The following FHIT variants were observed in gnomAD, a reference collection of about 807,000 sequenced individuals.
The protein encoded by FHIT is bis(5'-adenosyl)-triphosphatase.
In FHIT, 19 loss-of-function variants were observed where a neutral mutation model predicts 17.9. The ratio of observed to expected loss-of-function variants is 1.06; its 90% CI spans 0.74 to 1.56. The LOEUF is 1.56. Among genes scored for constraint, FHIT ranks in the 40% most tolerant of loss-of-function variants. The pLI is 0.00. For synonymous variants in FHIT, 81 were observed against 69.7 expected, an observed-to-expected ratio of 1.16 and a Z score of -0.81; for missense variants, 248 against 189.2, an observed-to-expected ratio of 1.31 and a Z score of -1.82.
intron 4 of FHIT, among the ~76,000 whole-genome samples, chr3:60,774,324 G>C (rs1700145589): frequency 6.6e-6 from 1 of 152,052 alleles, no homozygotes; most frequent in Admixed American, 6.5e-5. Context: ...TTTTGAGATG[G>C]AGTTCCATTC....
chr3:59,878,572 C>A (rs534747240), intron 8 of FHIT, among the ~76,000 whole-genome samples: 1 of 152,248 alleles, frequency 6.6e-6, no homozygotes, highest in Non-Finnish European at 1.5e-5. Flanking sequence ...ATACACTCAC[C>A]CTGTAAGCAC....
intron 5 of FHIT, among the ~76,000 whole-genome samples, chr3:60,516,464 T>C (rs1038190841): frequency 9.2e-5 from 14 of 152,166 alleles, no homozygotes; most frequent in Non-Finnish European, 5.9e-5. Flanking sequence ...TCACAAATTC[T>C]GCAAAGGTCT....
intron 5 of FHIT, among the ~76,000 whole-genome samples, chr3:60,083,397 T>A (rs1458617534): frequency 6.6e-6 from 1 of 152,130 alleles, no homozygotes; most frequent in Non-Finnish European, 1.5e-5. Flanking sequence ...ATGATACCTC[T>A]GGCTGTCTTC....
In FHIT at chr3:60,759,351, A is replaced by G. The variant is rs78764056; in HGVS notation, c.-18+62568T>C. 3.5e-3 allele frequency among the ~76,000 whole-genome samples: 529 copies of G among 152,330 alleles called. 3 individuals are homozygous for G. Among genetic ancestry groups the G allele is most frequent in the African/African-American group, 0.012 (496 of 41,576 alleles). On this transcript the variant is annotated intron_variant, in intron 4 of 9. Transcript: ENST00000492590. ...CAGGGTTGTAGCATTTATATTTGAT[A>G]TGCCATTTAAATATCCAAGGGAACA...
chr3:60,789,197 G>GAA (rs1700694239), intron 4 of FHIT, among the ~76,000 whole-genome samples: 3 of 150,030 alleles, frequency 2.0e-5, no homozygotes, highest in African/African-American at 7.4e-5. Flanking sequence ...GAGAGAGAGA[G>GAA]AGACAGAGGA....
chr3:60,159,799 T>G (rs1051105742), intron 5 of FHIT, among the ~76,000 whole-genome samples: 1 of 152,138 alleles, frequency 6.6e-6, no homozygotes, highest in African/African-American at 2.4e-5. Flanking sequence ...TAATAAATGG[T>G]GGAGACACCA....
At chr3:59,969,561 AAAAC>A (rs201833369) in intron 7 of FHIT, among the ~76,000 whole-genome samples, 10 of 152,172 alleles carry the variant, frequency 6.6e-5, no homozygotes, top group South Asian at 2.1e-4. Context: ...AAAACAAAAC[AAAAC>A]AAACAAACAA....
intron 4 of FHIT, among the ~76,000 whole-genome samples, chr3:60,797,455 CAGT>C (rs59090057): frequency 0.044 from 6,580 of 148,064 alleles, 485 homozygotes; most frequent in African/African-American, 0.15. Flanking sequence ...AAAGAAATTG[CAGT>C]AGTAGTAGTA....
At chr3:60,933,621 C>G (rs1044989726) in intron 3 of FHIT, among the ~76,000 whole-genome samples, 5 of 152,108 alleles carry the variant, frequency 3.3e-5, no homozygotes, top group Admixed American at 3.3e-4. Flanking sequence ...TATTTTTCTC[C>G]TTTTTTACCA....
intron 7 of FHIT, among the ~76,000 whole-genome samples, chr3:59,938,856 A>T (rs1213347738): frequency 6.6e-6 from 1 of 152,150 alleles, no homozygotes; most frequent in Non-Finnish European, 1.5e-5. Context: ...GACAGGATAA[A>T]TGACTCCGAT....
Position 60,523,510 on chromosome 3 carries a change from T to C in FHIT, c.103+13350A>G, listed in dbSNP as rs188626975. 1.1e-4 allele frequency among the ~76,000 whole-genome samples: 16 copies of C among 152,222 alleles called. No homozygotes were observed. In the South Asian group the frequency reaches 3.3e-3, roughly 32 times the overall value. The stretch of plus-strand genomic sequence containing the variant: ...AGGGATCATCAGAAAGAAATAGAGA[T>C]CTACAAAAGGGCATGTTATGTAAGG... On this transcript the variant is annotated intron_variant, in intron 5 of 9. Coordinates refer to ENST00000492590, the MANE Select transcript of FHIT (RefSeq NM_002012.4).
At chr3:59,890,139 T>C (rs1407727803) in intron 8 of FHIT, among the ~76,000 whole-genome samples, 1 of 152,232 alleles carries the variant, frequency 6.6e-6, no homozygotes, top group Non-Finnish European at 1.5e-5. Flanking sequence ...GCCTGATCTA[T>C]CAGTAATTTC....
At chr3:60,374,396 T>A (rs149999356) in intron 5 of FHIT, among the ~76,000 whole-genome samples, 297 of 152,144 alleles carry the variant, frequency 2.0e-3, no homozygotes, top group Non-Finnish European at 3.1e-3. Flanking sequence ...AATGCAATTC[T>A]GTAAGTTTTT....
intron 5 of FHIT, among the ~76,000 whole-genome samples, chr3:60,140,554 G>A (rs1368561089): frequency 6.6e-6 from 1 of 150,466 alleles, no homozygotes; most frequent in Non-Finnish European, 1.5e-5. Context: ...CAGAGCCCAT[G>A]GAGGGAAAGA....
chr3:61,127,658 A>T (rs970713651), intron 2 of FHIT, among the ~76,000 whole-genome samples: 1 of 152,112 alleles, frequency 6.6e-6, no homozygotes, highest in African/African-American at 2.4e-5. Flanking sequence ...TGAGGTCAGG[A>T]GTTCGAGACC....
intron 5 of FHIT, among the ~76,000 whole-genome samples, chr3:60,230,556 C>A (rs1312037419): frequency 6.6e-6 from 1 of 152,166 alleles, no homozygotes; most frequent in African/African-American, 2.4e-5. Flanking sequence ...CATGTAAGCT[C>A]ACTGCATCTC....
chr3:59,795,264 G>A (rs1699731333), intron 8 of FHIT, among the ~76,000 whole-genome samples: 1 of 151,906 alleles, frequency 6.6e-6, no homozygotes, highest in Non-Finnish European at 1.5e-5. Flanking sequence ...GGTGCCTGTA[G>A]TCCCAGCTAC....
intron 2 of FHIT, among the ~76,000 whole-genome samples, chr3:61,125,539 G>A (rs948883121): frequency 6.6e-6 from 1 of 152,132 alleles, no homozygotes; most frequent in Non-Finnish European, 1.5e-5. Context: ...CTCTCTAGAA[G>A]TAAATGTCCC....
intron 4 of FHIT, among the ~76,000 whole-genome samples, chr3:60,691,049 C>G (rs372373338): frequency 6.6e-6 from 1 of 152,004 alleles, no homozygotes; most frequent in Non-Finnish European, 1.5e-5. Context: ...AAAAAATTAC[C>G]AAGTTGAAAT....
Sources: allele counts gnomAD v4.1 joint callset (sites outside exome capture counted in the v4.1 genomes callset), GRCh38; gene constraint gnomAD v4.1.1; transcripts MANE v1.5; gene names NCBI Gene and HGNC (gene_info 2026-07-23, HGNC 2026-07-21).